SOBP: variants seen among roughly 807,000 people sequenced by gnomAD.
The protein encoded by SOBP is sine oculis binding protein homolog.
Under a neutral mutation model 53.6 loss-of-function variants are expected in SOBP, and 4 were observed. The ratio of observed to expected loss-of-function variants is 0.07; its 90% CI spans 0.04 to 0.17. The LOEUF (loss-of-function observed/expected upper bound fraction) is 0.17. Among genes scored for constraint, SOBP ranks in the 10% least tolerant of loss-of-function variants. The probability of loss-of-function intolerance (pLI) is 1.00; values close to 1 mark genes in which losing one functional copy is unlikely to be tolerated. For synonymous variants in SOBP, 584 were observed against 522.6 expected (o/e 1.12, Z -1.60); for missense variants, 1,088 against 1,204.7 (o/e 0.90, Z 1.43).
intron 4 of SOBP, among the ~76,000 whole-genome samples, chr6:107,547,788 G>T (rs1157854833): frequency 1.3e-5 from 2 of 152,214 alleles, no homozygotes; most frequent in East Asian, 3.8e-4. Flanking sequence ...CAAGCAGGTT[G>T]TTAATGATCA....
intron 1 of SOBP, among the ~76,000 whole-genome samples, chr6:107,500,378 TAAAAAAA>T (rs752236655): frequency 8.9e-6 from 1 of 112,212 alleles, no homozygotes; most frequent in African/African-American, 3.3e-5. Context: ...AGACCCTGTC[TAAAAAAA>T]AAAAAAAAAG....
At chr6:107,579,178 G>T (rs1189212142) in intron 4 of SOBP, among the ~76,000 whole-genome samples, 1 of 152,184 alleles carries the variant, frequency 6.6e-6, no homozygotes, top group African/African-American at 2.4e-5. Context: ...GAGGAAGAAA[G>T]TGGGGGAAGG....
At chr6:107,509,950 A>G (rs1783120305) in intron 3 of SOBP, 1 of 152,228 alleles carries the variant, frequency 6.6e-6, no homozygotes, top group Non-Finnish European at 1.5e-5. Context: ...CAAGGGTTCT[A>G]TATGACAAGA....
intron 4 of SOBP, among the ~76,000 whole-genome samples, chr6:107,585,453 T>C (rs372814715): frequency 6.6e-6 from 1 of 152,252 alleles, no homozygotes; most frequent in Non-Finnish European, 1.5e-5. Flanking sequence ...ATGGCGTAGC[T>C]GCAAAGTTGT....
At chr6:107,619,734 G>A (rs892742241) in intron 5 of SOBP, among the ~76,000 whole-genome samples, 4 of 152,146 alleles carry the variant, frequency 2.6e-5, no homozygotes, top group Non-Finnish European at 1.5e-5. Context: ...ATGTCCTGGT[G>A]TAAACTTTAT....
chr6:107,559,317 G>A (rs1285293925), intron 4 of SOBP, among the ~76,000 whole-genome samples: 1 of 152,040 alleles, frequency 6.6e-6, no homozygotes, highest in Non-Finnish European at 1.5e-5. Context: ...TGCATTTTTT[G>A]AACCTGGGAA....
intron 5 of SOBP, among the ~76,000 whole-genome samples, chr6:107,606,477 G>A (rs1469771820): frequency 1.3e-5 from 2 of 152,148 alleles, no homozygotes; most frequent in African/African-American, 4.8e-5. Context: ...CAGGGATGCA[G>A]CATTCAAGGG....
At position 107,561,653 on chromosome 6, in the gene SOBP, C is replaced by T. The variant is rs79476586; in HGVS notation, c.574-25427C>T. Among the ~76,000 whole-genome samples, 556 of 152,238 alleles carry T rather than the reference C, an allele frequency of 3.7e-3. 13 individuals are homozygous for T. In the East Asian group the frequency reaches 0.048, roughly 13 times the overall value. The stretch of plus-strand genomic sequence containing the variant: ...ATAAAGGAGCTTGGCTGGTCAGATT[C>T]CTTGTCAGGTGAAGAAGCCTTTTGT... On this transcript the variant is annotated intron_variant, in intron 4 of 6. Transcript: ENST00000317357.
At chr6:107,509,164 G>A (rs1024477660) in intron 3 of SOBP, among the ~76,000 whole-genome samples, 37 of 152,222 alleles carry the variant, frequency 2.4e-4, no homozygotes, top group Non-Finnish European at 4.7e-4. Flanking sequence ...GGAGGCTGAG[G>A]CGGGCGGATC....
chr6:107,632,407 T>C lies in SOBP; in HGVS notation c.670-1107T>C, dbSNP rs563899328. On this transcript the variant is annotated intron_variant, in intron 5 of 6. Transcript: ENST00000317357. ...AAAAAGTAAGGCACTGAAAGAACTATTGAAAATTTTGACATCTGTTTATCT... is the reference window on the plus strand; with the variant it reads ...AAAAAGTAAGGCACTGAAAGAACTACTGAAAATTTTGACATCTGTTTATCT... Among the ~76,000 whole-genome samples, 18 of 152,160 alleles carry C rather than the reference T, an allele frequency of 1.2e-4. No individual in the cohort carries two copies. The South Asian group carries it at 3.7e-3, about 32-fold the overall frequency.
At chr6:107,595,080 T>C (rs1368457974) in intron 5 of SOBP, among the ~76,000 whole-genome samples, 2 of 152,228 alleles carry the variant, frequency 1.3e-5, no homozygotes, top group Non-Finnish European at 2.9e-5. Context: ...CTAGTTTCTT[T>C]ATAGTAACAA....
At chr6:107,503,850 C>G in intron 2 of SOBP, 55 bp downstream of exon 2, 2 of 1,604,636 alleles carry the variant, frequency 1.2e-6, no homozygotes, top group Non-Finnish European at 8.5e-7. Flanking sequence ...CTATCTCAAC[C>G]TGCCAGAATT....
intron 4 of SOBP, among the ~76,000 whole-genome samples, chr6:107,554,823 G>A (rs1355386674): frequency 1.3e-5 from 2 of 152,198 alleles, no homozygotes; most frequent in African/African-American, 4.8e-5. Context: ...TTGAGATGGT[G>A]CAAGCATTGA....
chr6:107,619,605 TG>T (rs1211789377), intron 5 of SOBP, among the ~76,000 whole-genome samples: 2 of 151,250 alleles, frequency 1.3e-5, no homozygotes, highest in Middle Eastern at 3.2e-3. Flanking sequence ...GTCGGTGGGG[TG>T]GGGGGCAGTT....
At chr6:107,576,816 C>A (rs553018670) in intron 4 of SOBP, among the ~76,000 whole-genome samples, 4 of 152,280 alleles carry the variant, frequency 2.6e-5, no homozygotes, top group Middle Eastern at 3.4e-3. Flanking sequence ...CCTGGTTATA[C>A]CCATACCCTG....
At chr6:107,596,599 C>G (rs920365355) in intron 5 of SOBP, among the ~76,000 whole-genome samples, 1 of 152,078 alleles carries the variant, frequency 6.6e-6, no homozygotes, top group Non-Finnish European at 1.5e-5. Flanking sequence ...TAAGACATAC[C>G]CCAGATAAGC....
intron 5 of SOBP, among the ~76,000 whole-genome samples, chr6:107,627,298 A>C (rs1035236245): frequency 5.3e-5 from 8 of 152,224 alleles, no homozygotes; most frequent in Non-Finnish European, 1.2e-4. Flanking sequence ...CATTGGCTGT[A>C]GAATCAGAGA....
At chr6:107,593,949 T>C (rs993785257) in intron 5 of SOBP, among the ~76,000 whole-genome samples, 2 of 152,234 alleles carry the variant, frequency 1.3e-5, no homozygotes, top group Non-Finnish European at 2.9e-5. Context: ...GAACTAGAGA[T>C]ACTTGTTGGC....
At chr6:107,553,785 C>T (rs1784534129) in intron 4 of SOBP, among the ~76,000 whole-genome samples, 1 of 152,056 alleles carries the variant, frequency 6.6e-6, no homozygotes, top group South Asian at 2.1e-4. Context: ...TGTGCCTGGC[C>T]AATTTTTTGT....
Sources: allele counts gnomAD v4.1 joint callset (sites outside exome capture counted in the v4.1 genomes callset), GRCh38; gene constraint gnomAD v4.1.1; transcripts MANE v1.5; gene names NCBI Gene and HGNC (gene_info 2026-07-23, HGNC 2026-07-21).